The following SEL1L3 variants were observed in gnomAD, a reference collection of about 807,000 sequenced individuals.
SEL1L3 encodes protein sel-1 homolog 3.
Under a neutral mutation model 142.8 loss-of-function variants are expected in SEL1L3, and 76 were observed. The observed-to-expected ratio is 0.53, with a 90% CI of 0.44 to 0.64. SEL1L3 has a LOEUF of 0.64. SEL1L3 is among the 30% of genes least tolerant of loss of function. The pLI, the probability that SEL1L3 is intolerant of heterozygous loss-of-function variation, is 0.00. For synonymous variants in SEL1L3, 504 were observed against 519.6 expected (o/e 0.97, Z 0.41); for missense variants, 1,262 against 1,381.7 (o/e 0.91, Z 1.37).
chr4:25,720,988 GA>G, the SEL1L3 span: 1 of 152,174 alleles, frequency 6.6e-6, no homozygotes, highest in Non-Finnish European at 1.5e-5. Context: ...TAGAGTGGTA[GA>G]ATGCCCAGAA....
chr4:25,782,221 T>C (rs1009186054), intron 15 of SEL1L3, 21 bp downstream of exon 15: 12 of 1,605,594 alleles, frequency 7.5e-6, no homozygotes, highest in African/African-American at 4.0e-5. Flanking sequence ...AGTTGCAGAG[T>C]GGGTCTCAAG....
intron 9 of SEL1L3, among the ~76,000 whole-genome samples, chr4:25,810,695 G>A (rs576550943): frequency 1.6e-4 from 25 of 152,282 alleles, no homozygotes; most frequent in African/African-American, 5.5e-4. Context: ...AGTCCTGAAC[G>A]TGGGGTCTCA....
intron 1 of SEL1L3, among the ~76,000 whole-genome samples, chr4:25,861,083 C>T (rs145686612): frequency 6.6e-6 from 1 of 152,174 alleles, no homozygotes; most frequent in African/African-American, 2.4e-5. Context: ...AACTTTTCGG[C>T]CCGGCCCATT....
chr4:25,824,443 GC>G (rs1468330540), intron 6 of SEL1L3, among the ~76,000 whole-genome samples: 6 of 152,184 alleles, frequency 3.9e-5, no homozygotes, highest in Admixed American at 2.0e-4. Context: ...AATAGTACCT[GC>G]CTGTATGGTT....
At chr4:25,784,085 C>T (rs181936143) in intron 14 of SEL1L3, 143 bp downstream of exon 14, 32 of 703,160 alleles carry the variant, frequency 4.6e-5, no homozygotes, top group African/African-American at 3.7e-4. Context: ...GTGGGGGTGC[C>T]GTGCTGGCGA....
At chr4:25,853,979 A>G (rs1462746927) in intron 1 of SEL1L3, among the ~76,000 whole-genome samples, 1 of 151,988 alleles carries the variant, frequency 6.6e-6, no homozygotes, top group Non-Finnish European at 1.5e-5. Context: ...GCCTCTCTTT[A>G]CTTTTTTAAC....
chr4:25,714,528 CT>C, the SEL1L3 span, among the ~76,000 whole-genome samples: 1 of 139,176 alleles, frequency 7.2e-6, no homozygotes, highest in African/African-American at 2.7e-5. Context: ...TTCTTTCTTT[CT>C]TTCTTTCTTT....
At chr4:25,768,465 T>C (rs1227688994) in intron 17 of SEL1L3, among the ~76,000 whole-genome samples, 1 of 152,200 alleles carries the variant, frequency 6.6e-6, no homozygotes, top group Non-Finnish European at 1.5e-5. Context: ...GGAATGGACA[T>C]ACTCTACAAC....
At chr4:25,826,430 T>A (rs1715099738) in intron 6 of SEL1L3, among the ~76,000 whole-genome samples, 1 of 152,142 alleles carries the variant, frequency 6.6e-6, no homozygotes, top group Non-Finnish European at 1.5e-5. Flanking sequence ...ACCAGTAAAC[T>A]GGAAATATCT....
At chr4:25,731,064 T>C in the SEL1L3 span, among the ~76,000 whole-genome samples, 2 of 152,132 alleles carry the variant, frequency 1.3e-5, no homozygotes, top group African/African-American at 4.8e-5. Flanking sequence ...ACAGATCTTT[T>C]CAGCTCTCTA....
intron 14 of SEL1L3, 142 bp downstream of exon 14, chr4:25,784,086 G>C (rs774384601): frequency 4.2e-6 from 3 of 709,862 alleles, no homozygotes; most frequent in Non-Finnish European, 7.6e-6. Flanking sequence ...TGGGGGTGCC[G>C]TGCTGGCGAC....
At chr4:25,814,071 G>A (rs1322487641) in intron 9 of SEL1L3, among the ~76,000 whole-genome samples, 2 of 152,158 alleles carry the variant, frequency 1.3e-5, no homozygotes, top group African/African-American at 4.8e-5. Flanking sequence ...TGCTGGCTGT[G>A]TCTATGAAGA....
chr4:25,847,985 A>G (rs1716649541), intron 1 of SEL1L3, 121 bp from the exon 2 acceptor site: 2 of 662,188 alleles, frequency 3.0e-6, no homozygotes, highest in South Asian at 4.4e-5. Flanking sequence ...GCAATGAATG[A>G]ATGCGGGAGA....
At chr4:25,848,533 T>G (rs141407698) in intron 1 of SEL1L3, among the ~76,000 whole-genome samples, 2,568 of 152,336 alleles carry the variant, frequency 0.017, 69 homozygotes, top group African/African-American at 0.058. Context: ...TGTTTATTTA[T>G]CTGGTCATGA....
intron 23 of SEL1L3, among the ~76,000 whole-genome samples, chr4:25,750,502 G>A (rs1442654565): frequency 6.6e-6 from 1 of 152,130 alleles, no homozygotes; most frequent in African/African-American, 2.4e-5. Context: ...GCACAAAGGA[G>A]GTATACAGGG....
chr4:25,829,359 A>G (rs1319751920), intron 6 of SEL1L3, among the ~76,000 whole-genome samples: 2 of 152,268 alleles, frequency 1.3e-5, no homozygotes, highest in African/African-American at 4.8e-5. Context: ...AGTTGAAGGT[A>G]TCATTAGTAC....
At chr4:25,750,728 C>T (rs189814771) in intron 23 of SEL1L3, among the ~76,000 whole-genome samples, 31 of 152,278 alleles carry the variant, frequency 2.0e-4, no homozygotes, top group East Asian at 1.4e-3. Flanking sequence ...TACTTTGTGA[C>T]ATTTTACTAT....
At chr4:25,733,569 G>A in the SEL1L3 span, among the ~76,000 whole-genome samples, 1 of 132,514 alleles carries the variant, frequency 7.5e-6, no homozygotes, top group African/African-American at 2.8e-5. Flanking sequence ...TCACTCAGCT[G>A]GAGTGCAGTG....
At chr4:25,822,898 A>T (rs1560332742) in intron 6 of SEL1L3, among the ~76,000 whole-genome samples, 1 of 152,238 alleles carries the variant, frequency 6.6e-6, no homozygotes, top group Non-Finnish European at 1.5e-5. Context: ...AATTTAGTGT[A>T]CCTTGAGCTT....
Sources: gnomAD v4.1 joint callset for allele counts (sites outside exome capture counted in the v4.1 genomes callset) on GRCh38, gnomAD v4.1.1 for gene constraint, MANE v1.5 for transcripts, NCBI Gene and HGNC (gene_info 2026-07-23, HGNC 2026-07-21) for gene names.